Variants in ZNF385D observed in about 807,000 individuals in gnomAD.
ZNF385D encodes the protein zinc finger protein 385D.
ZNF385D carries 15 observed loss-of-function variants against 35.8 expected under a neutral mutation model. The ratio of observed to expected loss-of-function variants is 0.42; its 90% CI spans 0.28 to 0.64. The LOEUF (loss-of-function observed/expected upper bound fraction) is 0.64, where lower values mean the gene tolerates loss of function less well. ZNF385D is among the 30% of genes least tolerant of loss of function. ZNF385D has a pLI of 0.23. For missense variants in ZNF385D, 474 were observed against 494.6 expected (o/e 0.96, Z 0.39); for synonymous variants, 212 against 186.8 (o/e 1.13, Z -1.10).
Position 22,129,142 on chromosome 3 carries a change from T to C in ZNF385D, c.325+39675A>G, listed in dbSNP as rs574273383. ...ATCCAGGAGAATTCCATGGATTACA[T>C]GGGAGAGTCTCTTGTTTTCTTTCCT... is the stretch of plus-strand genomic sequence containing the variant. On this transcript the variant is annotated intron_variant, in intron 3 of 5. Transcript: ENST00000494108. 2.6e-5 allele frequency among the ~76,000 whole-genome samples: 4 copies of C among 152,300 alleles called. No homozygotes were observed. The East Asian group carries it at 7.7e-4, about 29-fold the overall frequency.
At chr3:22,321,166 T>TG (rs1694406015) in intron 2 of ZNF385D, among the ~76,000 whole-genome samples, 1 of 140,474 alleles carries the variant, frequency 7.1e-6, no homozygotes, top group Non-Finnish European at 1.6e-5. Flanking sequence ...ATGACCTTGT[T>TG]TTTTTTTTTT....
chr3:22,044,830 G>A (rs902269680), intron 3 of ZNF385D, among the ~76,000 whole-genome samples: 5 of 152,022 alleles, frequency 3.3e-5, no homozygotes, highest in African/African-American at 4.8e-5. Flanking sequence ...AGAAATGGGA[G>A]GAGGAGAGAA....
intron 3 of ZNF385D, among the ~76,000 whole-genome samples, chr3:21,920,468 GT>G (rs891974821): frequency 6.6e-6 from 1 of 151,664 alleles, no homozygotes; most frequent in Admixed American, 6.6e-5. Context: ...ATATTAGTAG[GT>G]TTTTTTTAGG....
At chr3:22,305,481 T>C (rs1402731742) in intron 2 of ZNF385D, among the ~76,000 whole-genome samples, 2 of 152,182 alleles carry the variant, frequency 1.3e-5, no homozygotes, top group South Asian at 2.1e-4. Flanking sequence ...TCCTAACTCA[T>C]GTTCACATTA....
intron 3 of ZNF385D, among the ~76,000 whole-genome samples, chr3:22,043,750 TAATAC>T (rs1402175080): frequency 6.6e-6 from 1 of 150,668 alleles, no homozygotes; most frequent in African/African-American, 2.4e-5. Flanking sequence ...TGCTTCTAAC[TAATAC>T]AATACGGTAA....
At chr3:21,472,481 C>A (rs919737546) in intron 4 of ZNF385D, among the ~76,000 whole-genome samples, 3 of 152,132 alleles carry the variant, frequency 2.0e-5, no homozygotes, top group African/African-American at 7.2e-5. Context: ...TCACTTATCC[C>A]TGAGCCCATT....
intron 3 of ZNF385D, among the ~76,000 whole-genome samples, chr3:21,547,365 C>T (rs1047621484): frequency 1.3e-5 from 2 of 151,972 alleles, no homozygotes; most frequent in Admixed American, 6.6e-5. Context: ...CTGTTCTTAC[C>T]CCTCCCCTTG....
At chr3:22,173,588 A>G (rs1217258107) in intron 2 of ZNF385D, among the ~76,000 whole-genome samples, 1 of 152,178 alleles carries the variant, frequency 6.6e-6, no homozygotes, top group Non-Finnish European at 1.5e-5. Flanking sequence ...TGAGAAAGAA[A>G]CTTCTGTTCT....
At chr3:22,134,510 T>C (rs969395981) in intron 3 of ZNF385D, 6 of 152,010 alleles carry the variant, frequency 3.9e-5, no homozygotes, top group African/African-American at 1.4e-4. Context: ...ACCAACAAAA[T>C]CTAACTGACA....
At chr3:22,016,933 C>T (rs180692272) in intron 3 of ZNF385D, among the ~76,000 whole-genome samples, 2 of 141,940 alleles carry the variant, frequency 1.4e-5, no homozygotes, top group African/African-American at 2.7e-5. Flanking sequence ...ATCCATCCAT[C>T]GGACACACAC....
chr3:22,185,593 G>A (rs1695576422), intron 2 of ZNF385D, among the ~76,000 whole-genome samples: 1 of 152,048 alleles, frequency 6.6e-6, no homozygotes, highest in African/African-American at 2.4e-5. Flanking sequence ...TCAGCCCCCT[G>A]AGTAGCTGGG....
chr3:21,868,378 A>T (rs1427302584), intron 3 of ZNF385D, among the ~76,000 whole-genome samples: 1 of 152,182 alleles, frequency 6.6e-6, no homozygotes, highest in African/African-American at 2.4e-5. Flanking sequence ...ATGAGAAAAT[A>T]ATAGGGGAAT....
At chr3:21,506,704 A>C (rs1274090681) in intron 4 of ZNF385D, among the ~76,000 whole-genome samples, 2 of 152,202 alleles carry the variant, frequency 1.3e-5, no homozygotes, top group African/African-American at 2.4e-5. Context: ...TTCTGTGACA[A>C]ATAGTAACCA....
At chr3:21,706,149 T>G (rs2067890502) in intron 1 of ZNF385D, among the ~76,000 whole-genome samples, 1 of 152,226 alleles carries the variant, frequency 6.6e-6, no homozygotes, top group East Asian at 1.9e-4. Context: ...AAAATTGGCT[T>G]ACCTTTCTCA....
chr3:22,237,897 C>T (rs546646168), intron 2 of ZNF385D, among the ~76,000 whole-genome samples: 9 of 151,120 alleles, frequency 6.0e-5, no homozygotes, highest in Non-Finnish European at 1.5e-5. Context: ...CCGCCACAAC[C>T]TCCCAAAGTG....
intron 2 of ZNF385D, among the ~76,000 whole-genome samples, chr3:22,230,934 AG>A (rs1436207168): frequency 1.3e-5 from 2 of 152,154 alleles, no homozygotes; most frequent in Non-Finnish European, 2.9e-5. Flanking sequence ...AGGGTCATTT[AG>A]CTGAGGCACT....
chr3:21,996,001 A>G (rs1043493688), intron 3 of ZNF385D, among the ~76,000 whole-genome samples: 1 of 152,092 alleles, frequency 6.6e-6, no homozygotes, highest in Admixed American at 6.5e-5. Context: ...GTGATCCTGC[A>G]GCCCTTTGGG....
chr3:21,751,400 T>C, upstream of ZNF385D: 2 of 1,022,516 alleles, frequency 2.0e-6, no homozygotes, highest in Non-Finnish European at 2.3e-6. Flanking sequence ...AGTGTCGGGA[T>C]CCACACAGGA....
intron 2 of ZNF385D, among the ~76,000 whole-genome samples, chr3:22,245,181 CATT>C (rs1464407179): frequency 2.0e-5 from 3 of 152,066 alleles, no homozygotes; most frequent in East Asian, 1.9e-4. Flanking sequence ...ATTCCAGCAA[CATT>C]ATTATTTTCT....
Sources: allele counts gnomAD v4.1 joint callset (sites outside exome capture counted in the v4.1 genomes callset), GRCh38; gene constraint gnomAD v4.1.1; transcripts MANE v1.5; gene names NCBI Gene and HGNC (gene_info 2026-07-23, HGNC 2026-07-21).